The following KDR variants were observed in gnomAD, a reference collection of about 807,000 sequenced individuals.
KDR encodes the protein kinase insert domain receptor, also known as vascular endothelial growth factor receptor 2.
A neutral mutation model predicts 160.9 loss-of-function variants in KDR; 43 were observed. That is an observed-to-expected ratio of 0.27 (90% CI 0.21 to 0.34). KDR has a LOEUF of 0.34. KDR is among the 10% of genes least tolerant of loss of function. The pLI, the probability that KDR is intolerant of heterozygous loss-of-function variation, is 1.00. For synonymous variants in KDR, 617 were observed against 600.1 expected, an observed-to-expected ratio of 1.03 and a Z score of -0.41; for missense variants, 1,469 against 1,666.4, an observed-to-expected ratio of 0.88 and a Z score of 2.06.
rs1008350235 is a variant in KDR at position 55,082,185 on chromosome 4, G to T, written c.3763-144C>A. On this transcript the variant is annotated intron_variant, in intron 28 of 29. Transcript: ENST00000263923. ...CATAAAGGTATCATAGCCACAAATT[G>T]TCCAAGCTACAAAAGGAAGCAACTG... is the stretch of plus-strand genomic sequence containing the variant. 9 of 731,394 alleles carry T rather than the reference G, an allele frequency of 1.2e-5. No homozygotes were observed. The African/African-American group carries it at 1.4e-4, about 11-fold the overall frequency. The allele number at this position is 731,394 out of a possible 1,614,324, so 45.3% of individuals were successfully genotyped here. A position where few individuals can be genotyped will look rare whatever the true frequency, so the allele number is the denominator to read the frequency against.
At chr4:55,086,498 G>C (rs751164099) in intron 27 of KDR, among the ~76,000 whole-genome samples, 3 of 151,950 alleles carry the variant, frequency 2.0e-5, no homozygotes, top group Non-Finnish European at 4.4e-5. Flanking sequence ...ATAGAACTGA[G>C]CCTCATGTTC....
intron 21 of KDR, among the ~76,000 whole-genome samples, chr4:55,094,589 T>TA (rs773213497): frequency 2.0e-5 from 3 of 152,236 alleles, no homozygotes; most frequent in Non-Finnish European, 4.4e-5. Context: ...CCCAGATTTC[T>TA]CAGGCTAGCC....
At chr4:55,097,907 T>C in intron 17 of KDR, 141 bp from the exon 18 acceptor site, 1 of 831,790 alleles carries the variant, frequency 1.2e-6, no homozygotes, top group Non-Finnish European at 2.0e-6. Context: ...TTGTCCTGGC[T>C]TAATTATTTA....
chr4:55,122,753 A>G (rs1315480785), intron 1 of KDR: 1 of 152,176 alleles, frequency 6.6e-6, no homozygotes. Context: ...TTATGTTTAG[A>G]ACAGTTTTGT....
chr4:55,086,010 T>G (rs1364164364), intron 27 of KDR, among the ~76,000 whole-genome samples: 1 of 152,200 alleles, frequency 6.6e-6, no homozygotes, highest in Non-Finnish European at 1.5e-5. Flanking sequence ...ATCAAATGGC[T>G]TTCTGATAAA....
Position 55,114,129 on chromosome 4 carries a change from C to T in KDR, c.795G>A (p.Ser265=), listed in dbSNP as rs189635816. The change falls in exon 6 of 30, where the codon TCG becomes TCA. Residue 265 remains serine, a synonymous_variant. Transcript: ENST00000263923. The stretch of plus-strand genomic sequence containing the variant: ...GGCTTTGAATCATTAGCGTTACCTT[C>T]GAAGAAGGGTATTCCCAGTTGAAGT... ...GIDFNWEYPS[S]KHQHKKLVNR... The T allele has an allele frequency of 1.7e-5, 27 of 1,613,908 alleles. No individual in the cohort carries two copies. The highest frequency in any genetic ancestry group is 2.2e-5 in the South Asian group (2 of 91,080).
chr4:55,118,850 G>A (rs367842850), intron 2 of KDR, 50 bp from the exon 3 acceptor site: 345 of 1,478,918 alleles, frequency 2.3e-4, no homozygotes, highest in Non-Finnish European at 3.1e-4. Flanking sequence ...CAGACTGTGA[G>A]GCTATTTCTA....
At chr4:55,094,226 C>G (rs2110014620) in intron 21 of KDR, among the ~76,000 whole-genome samples, 1 of 151,934 alleles carries the variant, frequency 6.6e-6, no homozygotes, top group East Asian at 1.9e-4. Flanking sequence ...TAAAAATAAA[C>G]ATAAAAACAA....
At chr4:55,101,433 TG>T (rs2110020101) in intron 15 of KDR, among the ~76,000 whole-genome samples, 1 of 152,326 alleles carries the variant, frequency 6.6e-6, no homozygotes, top group East Asian at 1.9e-4. Context: ...AGTGAATGTG[TG>T]TCTATAAGAT....
In KDR at chr4:55,079,166, A is replaced by G. The variant is rs1719659158; in HGVS notation, c.*775T>C. The G allele has an allele frequency of 4.3e-6, 1 of 233,440 alleles. No homozygotes were observed. The highest frequency in any genetic ancestry group is 8.5e-6 in the Non-Finnish European group (1 of 118,182). The allele number at this position is 233,440 out of a possible 1,614,324, so 14.5% of individuals were successfully genotyped here. On this transcript the variant is annotated 3_prime_UTR_variant, in exon 30 of 30. Coordinates refer to ENST00000263923, the MANE Select transcript of KDR (RefSeq NM_002253.4). ...TTTGTGGTATTCTGAATAAAGGATCAGCCTGGGAGACAAGGAGCCAGAGCT... is the reference window on the plus strand; with the variant it reads ...TTTGTGGTATTCTGAATAAAGGATCGGCCTGGGAGACAAGGAGCCAGAGCT...
In KDR at chr4:55,115,030, T is replaced by C. The variant is rs753500578; in HGVS notation, c.502A>G (p.Lys168Glu). ...NVSLCARYPEKRFVPDGNRIS... is the reference protein window; with the variant it reads ...NVSLCARYPEERFVPDGNRIS... ...CTGTTACCATCAGGAACAAATCTCT[T>C]TTCTGGGTATCTCTGGGTAATAAAA... The change falls in exon 5 of 30, where the codon AAG (lysine) becomes GAG (glutamate). Residue 168 changes from lysine (K) to glutamate (E), a missense_variant. Coordinates refer to ENST00000263923, the MANE Select transcript of KDR (RefSeq NM_002253.4). 6.2e-7 allele frequency: 1 copy of C among 1,613,312 alleles called. No individual in the cohort carries two copies. The highest frequency in any genetic ancestry group is 1.1e-5 in the South Asian group (1 of 91,050).
At chr4:55,109,871 G>A (rs1720533357) in intron 9 of KDR, among the ~76,000 whole-genome samples, 1 of 152,014 alleles carries the variant, frequency 6.6e-6, no homozygotes, top group South Asian at 2.1e-4. Flanking sequence ...TTCCTTTACA[G>A]ACTCAAAATC....
intron 13 of KDR, among the ~76,000 whole-genome samples, chr4:55,103,249 A>G (rs547588310): frequency 6.6e-6 from 1 of 152,330 alleles, no homozygotes; most frequent in East Asian, 1.9e-4. Flanking sequence ...TTCTTTCTTC[A>G]GATCATCAAA....
chr4:55,091,544 TG>T (rs1720019095), intron 22 of KDR, among the ~76,000 whole-genome samples: 1 of 152,142 alleles, frequency 6.6e-6, no homozygotes, highest in South Asian at 2.1e-4. Flanking sequence ...CCTTTCTCTT[TG>T]GGAAAACCCT....
rs140268834 is a variant in KDR, at chr4:55,104,002, C to T, written c.1987+641G>A. 2.0e-3 allele frequency among the ~76,000 whole-genome samples: 297 copies of T among 152,264 alleles called. 5 individuals are homozygous for T. Among genetic ancestry groups the T allele is most frequent in the Non-Finnish European group, 7.9e-4 (54 of 68,010 alleles). ...AGAGCTATCTGCTCACTGAAGTGAT[C>T]GTCCCATTGACCTTGGGCTACGCTG... is the stretch of plus-strand genomic sequence containing the variant. On this transcript the variant is annotated intron_variant, in intron 13 of 29. Coordinates refer to ENST00000263923, the MANE Select transcript of KDR (RefSeq NM_002253.4).
intron 15 of KDR, among the ~76,000 whole-genome samples, chr4:55,100,635 G>A (rs1720286544): frequency 6.6e-6 from 1 of 152,128 alleles, no homozygotes; most frequent in African/African-American, 2.4e-5. Context: ...TGACAAAACC[G>A]CCATGGTCTT....
chr4:55,105,774 TAGCTTAGTACC>T, intron 12 of KDR, 47 bp downstream of exon 12: 1 of 1,029,706 alleles, frequency 9.7e-7, no homozygotes, highest in Non-Finnish European at 1.5e-6. Flanking sequence ...GGGAATTACA[TAGCTTAGTACC>T]CACTGTGTGA....
Position 55,107,913 on chromosome 4 carries a change from C to A in KDR, c.1256-20G>T, listed in dbSNP as rs1467142705. The A allele has an allele frequency of 6.2e-7, 1 of 1,613,466 alleles. No homozygotes were observed. The highest frequency in any genetic ancestry group is 8.5e-7 in the Non-Finnish European group (1 of 1,179,604). On this transcript the variant is annotated intron_variant, in intron 9 of 29. Coordinates refer to ENST00000263923, the MANE Select transcript of KDR (RefSeq NM_002253.4). Reference sequence around the variant, plus strand: ...GTGGGACTGAAGATGGGAAAAACAACTTTTGAATTGTCAGTCAGCTTTGAA... The same window carrying A: ...GTGGGACTGAAGATGGGAAAAACAAATTTTGAATTGTCAGTCAGCTTTGAA...
At chr4:55,085,008 C>T (rs1437547552) in intron 27 of KDR, among the ~76,000 whole-genome samples, 1 of 152,170 alleles carries the variant, frequency 6.6e-6, no homozygotes, top group Non-Finnish European at 1.5e-5. Flanking sequence ...TTAATCATCC[C>T]TAACAATTAC....
Sources: gnomAD v4.1 joint callset for allele counts (sites outside exome capture counted in the v4.1 genomes callset) on GRCh38, gnomAD v4.1.1 for gene constraint, MANE v1.5 for transcripts, NCBI Gene and HGNC (gene_info 2026-07-23, HGNC 2026-07-21) for gene names.